Variants in CYP19A1 observed in about 807,000 individuals in gnomAD.
CYP19A1 encodes the protein aromatase.
Under a neutral mutation model 44.4 loss-of-function variants are expected in CYP19A1, and 32 were observed. The ratio of observed to expected loss-of-function variants is 0.72; its 90% CI spans 0.54 to 0.97. CYP19A1 has a LOEUF of 0.97. Among genes scored for constraint, CYP19A1 ranks in the 50% least tolerant of loss-of-function variants. CYP19A1 has a pLI of 0.00. For synonymous variants in CYP19A1, 212 were observed against 215.6 expected, an observed-to-expected ratio of 0.98 and a Z score of 0.14; for missense variants, 598 against 637.8, an observed-to-expected ratio of 0.94 and a Z score of 0.67.
chr15:51,323,414 A>T (rs938603422), intron 1 of CYP19A1, among the ~76,000 whole-genome samples: 3 of 152,320 alleles, frequency 2.0e-5, no homozygotes, highest in Middle Eastern at 3.4e-3. Flanking sequence ...AACTTGTGGG[A>T]TCAATGATAA....
At chr15:51,335,055 A>T (rs558797012) in intron 1 of CYP19A1, among the ~76,000 whole-genome samples, 1 of 152,070 alleles carries the variant, frequency 6.6e-6, no homozygotes, top group East Asian at 1.9e-4. Flanking sequence ...TCTTTCCTTC[A>T]TAGGTGCTGA....
At chr15:51,283,239 T>C (rs1419397734) in intron 1 of CYP19A1, among the ~76,000 whole-genome samples, 1 of 152,196 alleles carries the variant, frequency 6.6e-6, no homozygotes, top group Non-Finnish European at 1.5e-5. Context: ...AAGTATGTTT[T>C]ACTAGCCCGT....
chr15:51,298,957 G>A (rs946874700), intron 1 of CYP19A1, among the ~76,000 whole-genome samples: 1 of 152,236 alleles, frequency 6.6e-6, no homozygotes, highest in South Asian at 2.1e-4. Flanking sequence ...TGGCTAGTGG[G>A]AAGTTGGGAG....
rs575253080 is a variant in CYP19A1, at chr15:51,238,017, C to T, written c.146-1008G>A. Reference sequence around the variant, plus strand: ...CGGGCAAAAGTTGTGTAATAATATACATAGTGTAAGCTTTTGCTTGAATCA... The same window carrying T: ...CGGGCAAAAGTTGTGTAATAATATATATAGTGTAAGCTTTTGCTTGAATCA... On this transcript the variant is annotated intron_variant, in intron 2 of 9. Transcript: ENST00000396402. Among the ~76,000 whole-genome samples, 4 of 152,322 alleles carry T rather than the reference C, an allele frequency of 2.6e-5. No homozygotes were observed. In the South Asian group the frequency reaches 8.3e-4, roughly 32 times the overall value.
intron 1 of CYP19A1, among the ~76,000 whole-genome samples, chr15:51,331,627 G>C (rs2036703249): frequency 6.6e-6 from 1 of 152,010 alleles, no homozygotes; most frequent in South Asian, 2.1e-4. Flanking sequence ...GGCGAGTTCA[G>C]GGGGGCGCGA....
At chr15:51,275,880 A>G (rs1339472904) in intron 1 of CYP19A1, among the ~76,000 whole-genome samples, 1 of 152,328 alleles carries the variant, frequency 6.6e-6, no homozygotes. Context: ...CCCCTACAGC[A>G]GGACTGCTTG....
At chr15:51,305,401 A>G (rs574743684) in intron 1 of CYP19A1, among the ~76,000 whole-genome samples, 1 of 152,180 alleles carries the variant, frequency 6.6e-6, no homozygotes, top group Non-Finnish European at 1.5e-5. Flanking sequence ...AAATGCAGAT[A>G]ATATGACCTT....
chr15:51,320,328 AG>A (rs2036505545), intron 1 of CYP19A1: 1 of 152,368 alleles, frequency 6.6e-6, no homozygotes, highest in African/African-American at 2.4e-5. Context: ...ATGTTTGCCA[AG>A]TTCCAGGGAG....
chr15:51,269,870 C>G (rs2035061067), intron 1 of CYP19A1, among the ~76,000 whole-genome samples: 1 of 152,162 alleles, frequency 6.6e-6, no homozygotes, highest in South Asian at 2.1e-4. Flanking sequence ...GCTTTTTGGC[C>G]TACTCCCGCT....
chr15:51,301,611 G>A (rs28757109), intron 1 of CYP19A1, among the ~76,000 whole-genome samples: 1,857 of 152,220 alleles, frequency 0.012, 33 homozygotes, highest in African/African-American at 0.043. Flanking sequence ...CATCCAAGAC[G>A]TGCTAGTGCT....
At position 51,226,090 on chromosome 15, in the gene CYP19A1, GAAAAAAAAAAAAAA is replaced by G. The variant is rs55642133; in HGVS notation, c.451+1675_451+1688del. ...GGTGACAGAGCAAGACTCTGTCTCA[GAAAAAAAAAAAAAA>G]AAAAAAAAAAAAGCAAAGAACCTTT... On this transcript the variant is annotated intron_variant, in intron 4 of 9. Transcript: ENST00000396402. 9.0e-5 allele frequency among the ~76,000 whole-genome samples: 4 copies of G among 44,432 alleles called. No individual in the cohort carries two copies. In the East Asian group the frequency reaches 3.1e-3, roughly 34 times the overall value. 29.1% of individuals were successfully genotyped at this position (44,432 alleles called of 152,430 possible).
chr15:51,331,546 A>G (rs963003145), intron 1 of CYP19A1, among the ~76,000 whole-genome samples: 1 of 152,096 alleles, frequency 6.6e-6, no homozygotes, highest in Non-Finnish European at 1.5e-5. Flanking sequence ...CTTTTTTTGC[A>G]TCTTTGCAAG....
In CYP19A1 at chr15:51,212,368, C is replaced by T. The variant is rs772960231; in HGVS notation, c.1215G>A (p.Glu405=). The T allele has an allele frequency of 1.9e-6, 3 of 1,599,872 alleles. No individual in the cohort carries two copies. The highest frequency in any genetic ancestry group is 1.7e-6 in the Non-Finnish European group (2 of 1,166,976). ...TAAATTCATTGGGTTTGGGGAAAAACTCGAGTCTGTGCATCCTTCCAATAT... is the reference window on the plus strand; with the variant it reads ...TAAATTCATTGGGTTTGGGGAAAAATTCGAGTCTGTGCATCCTTCCAATAT... The part of the protein sequence containing the change: ...ILNIGRMHRL[E]FFPKPNEFTL... Residue 405 remains glutamate (E), a synonymous_variant, in exon 9 of 10, where the codon GAG becomes GAA. Transcript: ENST00000396402.
chr15:51,329,273 C>CT (rs111575060), intron 1 of CYP19A1, among the ~76,000 whole-genome samples: 1,966 of 152,206 alleles, frequency 0.013, 52 homozygotes, highest in African/African-American at 0.046. Context: ...CTGGAGCACT[C>CT]TAACAGGAGG....
intron 1 of CYP19A1, among the ~76,000 whole-genome samples, chr15:51,243,215 C>T (rs1354978096): frequency 2.0e-5 from 3 of 152,116 alleles, no homozygotes; most frequent in African/African-American, 7.2e-5. Context: ...TATCATCTTG[C>T]CCTTGAGTGG....
rs1160373549 is a variant in CYP19A1, at chr15:51,215,774, T to C, written c.787A>G (p.Arg263Gly). ...TTCTCTTCTGTGGAAATCCTGCGTCTTTTTTCTGCTATCAGAACTTCTATG... is the reference window on the plus strand; with the variant it reads ...TTCTCTTCTGTGGAAATCCTGCGTCCTTTTTCTGCTATCAGAACTTCTATG... ...DAIEVLIAEK[R>G]RRISTEEKLE... The change falls in exon 7 of 10, where the codon AGA becomes GGA. Residue 263 changes from arginine to glycine, a missense_variant. By Grantham distance (125) the Arg-to-Gly change is moderately radical. Transcript: ENST00000396402. 1.2e-6 allele frequency: 2 copies of C among 1,613,832 alleles called. No homozygotes were observed. The highest frequency in any genetic ancestry group is 3.3e-5 in the Admixed American group (2 of 60,008).
intron 1 of CYP19A1, among the ~76,000 whole-genome samples, chr15:51,294,431 G>A (rs1267530448): frequency 6.8e-6 from 1 of 146,342 alleles, no homozygotes; most frequent in South Asian, 2.2e-4. Context: ...GAGACCCTCC[G>A]CCTGGCAACC....
intron 1 of CYP19A1, among the ~76,000 whole-genome samples, chr15:51,331,957 A>G (rs544285261): frequency 6.6e-6 from 1 of 152,056 alleles, no homozygotes; most frequent in Admixed American, 6.5e-5. Context: ...ACACACACAT[A>G]CATATATATA....
intron 1 of CYP19A1, among the ~76,000 whole-genome samples, chr15:51,253,325 G>A (rs986548262): frequency 1.3e-5 from 2 of 152,216 alleles, no homozygotes; most frequent in Non-Finnish European, 2.9e-5. Context: ...GGGGTAGCTG[G>A]AAGGAACAGT....
Sources: allele counts gnomAD v4.1 joint callset (sites outside exome capture counted in the v4.1 genomes callset), GRCh38; gene constraint gnomAD v4.1.1; transcripts MANE v1.5; gene names NCBI Gene and HGNC (gene_info 2026-07-23, HGNC 2026-07-21).